Variants in SCN9A observed in about 807,000 individuals in gnomAD.
SCN9A encodes the protein sodium channel protein type 9 subunit alpha.
A neutral mutation model predicts 187.0 loss-of-function variants in SCN9A; 131 were observed. The ratio of observed to expected loss-of-function variants is 0.70; its 90% CI spans 0.61 to 0.81. The LOEUF is 0.81. Ranked by LOEUF, SCN9A falls within the 30% of genes least tolerant of loss-of-function variation. SCN9A has a pLI of 0.00. For missense variants in SCN9A, 2,252 were observed against 2,396.6 expected (o/e 0.94, Z 1.26); for synonymous variants, 809 against 808.6 (o/e 1.00, Z -0.01).
chr2:166,261,661 T>C (rs73021657), intron 17 of SCN9A, among the ~76,000 whole-genome samples: 1,907 of 152,028 alleles, frequency 0.013, 45 homozygotes, highest in African/African-American at 0.043. Context: ...CTCTGTTGCA[T>C]GCAGTTAAAC....
At position 166,278,318 on chromosome 2, in the gene SCN9A, G is replaced by A; in HGVS notation, c.2344-5C>T. 3 of 1,576,114 alleles carry A rather than the reference G, an allele frequency of 1.9e-6. No homozygotes were observed. Among genetic ancestry groups the A allele is most frequent in the Non-Finnish European group, 2.6e-6 (3 of 1,164,620 alleles). ...TGCAAAGATTCCAGTAAAGACCTAAGTGAGAAAAATAATGTTTTTCTGTTA... is the reference window on the plus strand; with the variant it reads ...TGCAAAGATTCCAGTAAAGACCTAAATGAGAAAAATAATGTTTTTCTGTTA... On this transcript the variant is annotated splice_region_variant and splice_polypyrimidine_tract_variant and intron_variant, in intron 14 of 26. Coordinates refer to ENST00000642356, the MANE Select transcript of SCN9A (RefSeq NM_001365536.1).
intron 24 of SCN9A, among the ~76,000 whole-genome samples, chr2:166,215,776 A>G (rs1332554500): frequency 5.1e-5 from 3 of 58,584 alleles, no homozygotes; most frequent in African/African-American, 2.5e-4. Context: ...TAAGTCTCCT[A>G]ACCAAAAAAA....
chr2:166,347,727 G>A (rs1051083198), intron 1 of SCN9A, among the ~76,000 whole-genome samples: 3 of 152,022 alleles, frequency 2.0e-5, no homozygotes, highest in Non-Finnish European at 2.9e-5. Flanking sequence ...ATGATGACAC[G>A]GAAAACAAAT....
rs113108971 is a variant in SCN9A at position 166,212,598 on chromosome 2, T to C, written c.4399-8134A>G. Among the ~76,000 whole-genome samples, 214 of 152,288 alleles carry C rather than the reference T, an allele frequency of 1.4e-3. 1 individual carries two copies. The highest frequency in any genetic ancestry group is 5.0e-3 in the African/African-American group (207 of 41,564). On this transcript the variant is annotated intron_variant, in intron 24 of 26. Coordinates refer to ENST00000642356, the MANE Select transcript of SCN9A (RefSeq NM_001365536.1). ...ACAGAACAGCCAGATATGGAATCTA[T>C]AAACAAACTGTGGATTTGAACAACG...
chr2:166,291,527 TC>T (rs1464073570), intron 9 of SCN9A, among the ~76,000 whole-genome samples: 1 of 152,154 alleles, frequency 6.6e-6, no homozygotes, highest in African/African-American at 2.4e-5. Flanking sequence ...TCAATGCTAG[TC>T]CCATCAAATT....
intron 12 of SCN9A, 110 bp downstream of exon 12, chr2:166,284,343 T>C: frequency 7.8e-6 from 10 of 1,276,932 alleles, no homozygotes; most frequent in Non-Finnish European, 1.1e-5. Context: ...AGAAAAAGTA[T>C]TGCAAAATGC....
At chr2:166,265,336 A>G (rs906051478) in intron 17 of SCN9A, among the ~76,000 whole-genome samples, 17 of 152,030 alleles carry the variant, frequency 1.1e-4, no homozygotes, top group Admixed American at 5.9e-4. Flanking sequence ...TTCACTTAAC[A>G]TAATGTCCTC....
intron 1 of SCN9A, among the ~76,000 whole-genome samples, chr2:166,352,403 G>T (rs928828245): frequency 1.3e-5 from 2 of 152,156 alleles, no homozygotes; most frequent in Admixed American, 1.3e-4. Context: ...GTAAATTAAT[G>T]ATGGTGATAA....
chr2:166,290,983 G>A (rs144333024), intron 9 of SCN9A, among the ~76,000 whole-genome samples: 2,246 of 152,224 alleles, frequency 0.015, 116 homozygotes, highest in Admixed American at 0.097. Flanking sequence ...CATACTGAAT[G>A]GGAAAAAGCT....
intron 24 of SCN9A, among the ~76,000 whole-genome samples, chr2:166,218,231 A>G (rs967345882): frequency 6.7e-5 from 9 of 135,298 alleles, no homozygotes; most frequent in Admixed American, 1.8e-4. Context: ...AGAAAGACAA[A>G]TACCACATGA....
intron 1 of SCN9A, among the ~76,000 whole-genome samples, chr2:166,373,816 A>G (rs1470407299): frequency 5.3e-5 from 8 of 152,310 alleles, no homozygotes; most frequent in Non-Finnish European, 1.0e-4. Flanking sequence ...GAAAAGTACC[A>G]TATAAATCCT....
intron 1 of SCN9A, among the ~76,000 whole-genome samples, chr2:166,345,176 G>A (rs112835924): frequency 2.0e-5 from 3 of 152,052 alleles, no homozygotes; most frequent in Non-Finnish European, 4.4e-5. Context: ...CTGAATGAAT[G>A]AATCAATCAA....
intron 14 of SCN9A, among the ~76,000 whole-genome samples, chr2:166,279,937 C>T (rs572405727): frequency 2.6e-5 from 4 of 152,082 alleles, no homozygotes; most frequent in Non-Finnish European, 5.9e-5. Context: ...GACTTTGGGA[C>T]TCTGAGGACC....
intron 1 of SCN9A, among the ~76,000 whole-genome samples, chr2:166,367,622 A>G (rs1281679027): frequency 2.0e-5 from 3 of 152,034 alleles, no homozygotes; most frequent in African/African-American, 7.2e-5. Context: ...CTTTTTTCAA[A>G]TCTTTTCTAC....
intron 17 of SCN9A, among the ~76,000 whole-genome samples, chr2:166,267,316 T>C (rs11897575): frequency 0.094 from 14,306 of 152,088 alleles, 728 homozygotes; most frequent in Middle Eastern, 0.24. Context: ...GATGATTATA[T>C]GGTTTTTATG....
At chr2:166,292,979 A>G (rs911626936) in intron 9 of SCN9A, among the ~76,000 whole-genome samples, 1 of 152,152 alleles carries the variant, frequency 6.6e-6, no homozygotes, top group African/African-American at 2.4e-5. Flanking sequence ...CTAGGACCCC[A>G]TGGGATGATA....
intron 2 of SCN9A, among the ~76,000 whole-genome samples, chr2:166,309,050 T>C (rs1274116627): frequency 2.1e-5 from 3 of 145,224 alleles, no homozygotes; most frequent in Admixed American, 6.8e-5. Flanking sequence ...CCTAGAAAAA[T>C]GAAAAGAAGA....
chr2:166,274,474 G>A (rs1697141228), intron 16 of SCN9A, among the ~76,000 whole-genome samples: 1 of 151,678 alleles, frequency 6.6e-6, no homozygotes, highest in South Asian at 2.1e-4. Context: ...TCAATTAACT[G>A]GCAATAAAAT....
intron 17 of SCN9A, among the ~76,000 whole-genome samples, chr2:166,259,724 G>A (rs573004275): frequency 2.6e-5 from 4 of 151,622 alleles, no homozygotes; most frequent in Admixed American, 1.3e-4. Context: ...AATTAATTTT[G>A]ACATTTTAAA....
Sources: gnomAD v4.1 joint callset for allele counts (sites outside exome capture counted in the v4.1 genomes callset) on GRCh38, gnomAD v4.1.1 for gene constraint, MANE v1.5 for transcripts, NCBI Gene and HGNC (gene_info 2026-07-23, HGNC 2026-07-21) for gene names.